Variants in SLC15A3 observed in about 807,000 individuals in gnomAD.
SLC15A3 encodes the protein osteoclast transporter.
In SLC15A3, 39 loss-of-function variants were observed where a neutral mutation model predicts 49.2. That is an observed-to-expected ratio of 0.79 (90% CI 0.61 to 1.04). The LOEUF (loss-of-function observed/expected upper bound fraction) is 1.04. Ranked by LOEUF, SLC15A3 falls within the 50% of genes least tolerant of loss-of-function variation. The pLI is 0.00. For missense variants in SLC15A3, 758 were observed against 794.8 expected (o/e 0.95, Z 0.56); for synonymous variants, 339 against 367.0 (o/e 0.92, Z 0.87).
chr11:60,949,555 AGAAAGAAAG>A (rs1298531700), intron 1 of SLC15A3, among the ~76,000 whole-genome samples: 3 of 75,470 alleles, frequency 4.0e-5, no homozygotes, highest in Non-Finnish European at 7.5e-5. Context: ...AAAGAAAGAA[AGAAAGAAAG>A]AAAGAAAAGA....
chr11:60,942,300 C>A (rs903331551), intron 3 of SLC15A3, 155 bp from the exon 4 acceptor site: 1 of 626,446 alleles, frequency 1.6e-6, no homozygotes, highest in Non-Finnish European at 2.8e-6. Flanking sequence ...CCTCCTTTCT[C>A]CTAGGTAGCT....
chr11:60,947,474 C>T (rs572502951), intron 1 of SLC15A3, among the ~76,000 whole-genome samples: 9 of 152,298 alleles, frequency 5.9e-5, no homozygotes, highest in East Asian at 5.8e-4. Flanking sequence ...CCATCGCGCC[C>T]GGCCTATTCA....
chr11:60,949,054 G>A lies in SLC15A3; in HGVS notation c.558+1940C>T, dbSNP rs553725954. 2.0e-5 allele frequency among the ~76,000 whole-genome samples: 3 copies of A among 152,328 alleles called. No homozygotes were observed. The East Asian group carries it at 5.8e-4, about 29-fold the overall frequency. On this transcript the variant is annotated intron_variant, in intron 1 of 7. Transcript: ENST00000227880. ...CAAGAAGTAAGAAACGGTCAGGGCT[G>A]GCCGGTCGCAGTGGCTCACGCCTGT...
intron 1 of SLC15A3, among the ~76,000 whole-genome samples, chr11:60,949,543 A>G (rs1363305425): frequency 3.8e-5 from 3 of 78,772 alleles, no homozygotes; most frequent in African/African-American, 8.3e-5. Flanking sequence ...AAAGAAAGAA[A>G]GAAAGAAAGA....
chr11:60,951,364 G>A lies in SLC15A3; in HGVS notation c.188C>T (p.Thr63Ile), dbSNP rs761289558. ...TANLVLYLNS[T>I]NFNWTGEQAT... ...CTGCTCGCCGGTCCAGTTGAAGTTG[G>A]TGCTGTTGAGGTACAGCACGAGGTT... The change falls in exon 1 of 8, where the codon ACC becomes ATC. Residue 63 changes from threonine to isoleucine, a missense_variant. Physicochemically the swap from Thr to Ile is moderately conservative, Grantham distance 89. Around this residue, in one of 3 missense-constraint regions of SLC15A3, gnomAD observed 699 missense variants for 706.7 expected, o/e 0.99. Coordinates refer to ENST00000227880, the MANE Select transcript of SLC15A3 (RefSeq NM_016582.3). 19 of 1,554,852 alleles carry A rather than the reference G, an allele frequency of 1.2e-5. No homozygotes were observed. The South Asian group carries it at 2.1e-4, about 18-fold the overall frequency.
intron 5 of SLC15A3, 54 bp from the exon 6 acceptor site, chr11:60,939,692 C>A: frequency 6.3e-7 from 1 of 1,592,594 alleles, no homozygotes; most frequent in South Asian, 1.1e-5. Context: ...GCAGCTTAGC[C>A]CACAGAAGAG....
chr11:60,938,438 G>A (rs554437627), intron 6 of SLC15A3, among the ~76,000 whole-genome samples: 1 of 151,986 alleles, frequency 6.6e-6, no homozygotes, highest in African/African-American at 2.4e-5. Context: ...TATTCCCTCT[G>A]CCCTGGGTCC....
chr11:60,948,479 C>A (rs1856836828), intron 1 of SLC15A3, among the ~76,000 whole-genome samples: 1 of 152,222 alleles, frequency 6.6e-6, no homozygotes, highest in African/African-American at 2.4e-5. Flanking sequence ...CACGCAGCTC[C>A]TGGGGTATAG....
At chr11:60,947,172 C>G (rs1394630017) in intron 1 of SLC15A3, among the ~76,000 whole-genome samples, 1 of 132,546 alleles carries the variant, frequency 7.5e-6, no homozygotes, top group African/African-American at 2.8e-5. Context: ...ACTGAGCAAC[C>G]TACACTATTC....
intron 2 of SLC15A3, among the ~76,000 whole-genome samples, chr11:60,946,087 G>C (rs1856797273): frequency 6.6e-6 from 1 of 151,896 alleles, no homozygotes; most frequent in South Asian, 2.1e-4. Context: ...CAACCTCCTG[G>C]ACTCGATTGA....
intron 6 of SLC15A3, 38 bp from the exon 7 acceptor site, chr11:60,938,063 G>A (rs753210086): frequency 6.2e-7 from 1 of 1,605,092 alleles, no homozygotes; most frequent in Non-Finnish European, 8.5e-7. Context: ...AGGGGCTGGT[G>A]CAGGCGCAGA....
intron 1 of SLC15A3, among the ~76,000 whole-genome samples, chr11:60,947,186 ATTT>A (rs11307430): frequency 6.9e-6 from 1 of 145,606 alleles, no homozygotes; most frequent in African/African-American, 2.5e-5. Flanking sequence ...ACTATTCATT[ATTT>A]TTTTTTTTTT....
In SLC15A3 at chr11:60,951,034, C is replaced by A. The variant is rs1056364382; in HGVS notation, c.518G>T (p.Ser173Ile). Residue 173 changes from serine (S) to isoleucine (I), a missense_variant, in exon 1 of 8, where the codon AGC becomes ATC. This residue lies in a region of SLC15A3 where 699 missense variants were observed against 706.7 expected (regional missense o/e 0.99). Coordinates refer to ENST00000227880, the MANE Select transcript of SLC15A3 (RefSeq NM_016582.3). ...GGAGGTGAGGTTGCTCCGGACGGAG[C>A]TGGCGGCCAGGCCGAGTAGCAGCAG... ...AGLLLLGLAA[S>I]SVRSNLTSFG... 1 of 1,497,386 alleles carries A rather than the reference C, an allele frequency of 6.7e-7. No individual in the cohort carries two copies. Among genetic ancestry groups the A allele is most frequent in the Admixed American group, 2.2e-5 (1 of 45,126 alleles). 92.8% of individuals were successfully genotyped at this position (1,497,386 alleles called of 1,614,324 possible). A position where few individuals can be genotyped will look rare whatever the true frequency, so the allele number is the denominator to read the frequency against.
At chr11:60,939,771 G>C in intron 5 of SLC15A3, 133 bp from the exon 6 acceptor site, 45 of 1,025,686 alleles carry the variant, frequency 4.4e-5, no homozygotes, top group Admixed American at 5.4e-5. Context: ...GGAAAAGAAT[G>C]CTGGACTGGG....
intron 6 of SLC15A3, among the ~76,000 whole-genome samples, chr11:60,938,782 GCT>G (rs1252691878): frequency 6.6e-6 from 1 of 152,116 alleles, no homozygotes; most frequent in Admixed American, 6.6e-5. Flanking sequence ...TCCTCTCCAT[GCT>G]TAAGGGCTCC....
Position 60,939,491 on chromosome 11 carries a change from G to A in SLC15A3, c.1424C>T (p.Ala475Val), listed in dbSNP as rs1856679293. The change falls in exon 6 of 8, where the codon GCC becomes GTC. Residue 475 changes from alanine (A) to valine (V), a missense_variant. Coordinates refer to ENST00000227880, the MANE Select transcript of SLC15A3 (RefSeq NM_016582.3). ...GGGATCCAGGGTACCTGGGATGCTGGCAAAGATCTCACTGATCCCAATGAG... is the reference window on the plus strand; with the variant it reads ...GGGATCCAGGGTACCTGGGATGCTGACAAAGATCTCACTGATCCCAATGAG... ...YLLIGISEIF[A>V]SIPGLEFAYS... The A allele has an allele frequency of 6.2e-7, 1 of 1,613,990 alleles. No homozygotes were observed.
At chr11:60,949,821 A>G (rs1007293708) in intron 1 of SLC15A3, among the ~76,000 whole-genome samples, 1 of 152,244 alleles carries the variant, frequency 6.6e-6, no homozygotes, top group Non-Finnish European at 1.5e-5. Context: ...CCACTGTGAC[A>G]ATCTTTTTCC....
Position 60,951,416 on chromosome 11 carries a change from G to C in SLC15A3, c.136C>G (p.Arg46Gly), listed in dbSNP as rs1856920068. 3.9e-6 allele frequency: 6 copies of C among 1,525,624 alleles called. No individual in the cohort carries two copies. Among genetic ancestry groups the C allele is most frequent in the Non-Finnish European group, 5.3e-6 (6 of 1,141,402 alleles). 94.5% of individuals were successfully genotyped at this position (1,525,624 alleles called of 1,614,324 possible). The part of the protein sequence containing the change: ...AAVLLVEMLE[R>G]AAFFGVTANL... ...GCGGTGACGCCGAAGAAGGCGGCGC[G>C]CTCCAGCATCTCCACCAGCAGCACG... Residue 46 changes from arginine to glycine, a missense_variant, in exon 1 of 8, where the codon CGC becomes GGC. This residue lies in a region of SLC15A3 where 31 missense variants were observed against 58.4 expected (regional missense o/e 0.53). Transcript: ENST00000227880.
Position 60,952,078 on chromosome 11 carries a change from G to C in SLC15A3, c.-527C>G, listed in dbSNP as rs557365529. 2.0e-5 allele frequency among the ~76,000 whole-genome samples: 3 copies of C among 150,316 alleles called. No homozygotes were observed. Among genetic ancestry groups the C allele is most frequent in the East Asian group, 2.0e-4 (1 of 5,054 alleles). On this transcript the variant is annotated 5_prime_UTR_variant, in exon 1 of 8. Coordinates refer to ENST00000227880, the MANE Select transcript of SLC15A3 (RefSeq NM_016582.3). Reference sequence around the variant, plus strand: ...TTGCCGTCTTCTCCACCTCCTCCCTGTCCCCCTCACCCCCACTGCCTACAC... The same window carrying C: ...TTGCCGTCTTCTCCACCTCCTCCCTCTCCCCCTCACCCCCACTGCCTACAC...
Sources: allele counts gnomAD v4.1 joint callset (sites outside exome capture counted in the v4.1 genomes callset), GRCh38; gene constraint gnomAD v4.1.1; regional missense constraint gnomAD v4.1.1; transcripts MANE v1.5; gene names NCBI Gene and HGNC (gene_info 2026-07-23, HGNC 2026-07-21).